TAFA4: variants seen among roughly 807,000 people sequenced by gnomAD.
The protein encoded by TAFA4 is TAFA chemokine like family member 4.
In TAFA4, 20 loss-of-function variants were observed where a neutral mutation model predicts 21.1. That is an observed-to-expected ratio of 0.95 (90% CI 0.67 to 1.38). TAFA4 has a LOEUF of 1.38. Among genes scored for constraint, TAFA4 ranks in the 40% most tolerant of loss-of-function variants. TAFA4 has a pLI of 0.00. For missense variants in TAFA4, 211 were observed against 180.9 expected (o/e 1.17, Z -0.95); for synonymous variants, 71 against 67.4 (o/e 1.05, Z -0.26).
intron 3 of TAFA4, among the ~76,000 whole-genome samples, chr3:68,839,798 G>A (rs6806391): frequency 0.31 from 47,049 of 152,012 alleles, 7,706 homozygotes; most frequent in Non-Finnish European, 0.37. Flanking sequence ...AGGGGAAAGC[G>A]TAACAAGAGC....
intron 3 of TAFA4, among the ~76,000 whole-genome samples, chr3:68,794,529 C>A (rs1236489126): frequency 2.0e-5 from 3 of 152,162 alleles, no homozygotes; most frequent in Non-Finnish European, 4.4e-5. Context: ...GCTCAGCTCT[C>A]CCCTCTCCTT....
At chr3:68,772,536 G>C (rs1406922140) in intron 3 of TAFA4, among the ~76,000 whole-genome samples, 2 of 152,200 alleles carry the variant, frequency 1.3e-5, no homozygotes, top group African/African-American at 4.8e-5. Flanking sequence ...CAGAACTCCA[G>C]GCTCTCTGGT....
chr3:68,921,990 C>T (rs1388700700), intron 1 of TAFA4, among the ~76,000 whole-genome samples: 1 of 152,192 alleles, frequency 6.6e-6, no homozygotes, highest in African/African-American at 2.4e-5. Flanking sequence ...TCGGGCACAA[C>T]ACTGATCCAA....
At chr3:68,832,982 A>G (rs1164595733) in intron 3 of TAFA4, among the ~76,000 whole-genome samples, 1 of 152,214 alleles carries the variant, frequency 6.6e-6, no homozygotes, top group African/African-American at 2.4e-5. Context: ...ACCAGCGAGC[A>G]AGGCTCCATG....
intron 3 of TAFA4, among the ~76,000 whole-genome samples, chr3:68,776,137 A>C (rs774265462): frequency 3.3e-5 from 5 of 152,166 alleles, no homozygotes; most frequent in Non-Finnish European, 7.4e-5. Flanking sequence ...GCAAGCAGAA[A>C]ACAAAAAAAT....
chr3:68,805,349 G>T (rs1010449529), intron 3 of TAFA4, among the ~76,000 whole-genome samples: 3 of 152,200 alleles, frequency 2.0e-5, no homozygotes, highest in Non-Finnish European at 4.4e-5. Context: ...CTTTTACACT[G>T]TTGGTGGGAC....
chr3:68,881,197 AAT>A (rs2089613579), intron 2 of TAFA4, among the ~76,000 whole-genome samples: 1 of 152,170 alleles, frequency 6.6e-6, no homozygotes, highest in Non-Finnish European at 1.5e-5. Flanking sequence ...ATCCAAATAA[AAT>A]ATATATGTTT....
At chr3:68,832,421 C>T (rs541411372) in intron 3 of TAFA4, among the ~76,000 whole-genome samples, 1 of 152,268 alleles carries the variant, frequency 6.6e-6, no homozygotes, top group African/African-American at 2.4e-5. Flanking sequence ...TGTTAGTTTT[C>T]CTTCTAAGAG....
intron 3 of TAFA4, among the ~76,000 whole-genome samples, chr3:68,769,881 C>A (rs1350573720): frequency 6.6e-6 from 1 of 152,184 alleles, no homozygotes; most frequent in Non-Finnish European, 1.5e-5. Context: ...AGTAAACAAT[C>A]AGTAAATTCT....
At chr3:68,842,421 TCTTTGTGGATTCTGGATATTAGCC>T (rs1229152087) in intron 3 of TAFA4, among the ~76,000 whole-genome samples, 2 of 152,218 alleles carry the variant, frequency 1.3e-5, no homozygotes, top group Non-Finnish European at 2.9e-5. Flanking sequence ...TTGTTTAAGC[TCTTTGTGGATTCTGGATATTAGCC>T]CTTTGTCAGG....
At chr3:68,880,397 T>C (rs2089601632) in intron 3 of TAFA4, among the ~76,000 whole-genome samples, 1 of 151,742 alleles carries the variant, frequency 6.6e-6, no homozygotes, top group South Asian at 2.1e-4. Flanking sequence ...AGTGGATGGA[T>C]GGATGGGCAG....
At chr3:68,739,606 A>G (rs1352682360) in intron 4 of TAFA4, among the ~76,000 whole-genome samples, 3 of 152,218 alleles carry the variant, frequency 2.0e-5, no homozygotes, top group African/African-American at 7.2e-5. Flanking sequence ...AATAAATAGC[A>G]AAGTCATGGA....
At chr3:68,767,585 T>C (rs916391370) in intron 3 of TAFA4, among the ~76,000 whole-genome samples, 1 of 152,000 alleles carries the variant, frequency 6.6e-6, no homozygotes, top group African/African-American at 2.4e-5. Flanking sequence ...TGTTAATATA[T>C]AATATATAAA....
intron 3 of TAFA4, among the ~76,000 whole-genome samples, chr3:68,870,696 C>T (rs979225404): frequency 3.3e-5 from 5 of 152,120 alleles, no homozygotes; most frequent in East Asian, 1.9e-4. Context: ...GTTTTAAGCC[C>T]GGCATGCATT....
At chr3:68,894,130 A>G (rs1219223760) in intron 1 of TAFA4, among the ~76,000 whole-genome samples, 1 of 150,464 alleles carries the variant, frequency 6.6e-6, no homozygotes, top group Non-Finnish European at 1.5e-5. Context: ...GGGATTCAGT[A>G]TTTGTTGGTT....
rs982452030 is a variant in TAFA4 at position 68,836,643 on chromosome 3, G to C, written c.130+44087C>G. Reference sequence around the variant, plus strand: ...CTTATAGGTAGTAGAAATCCAGAGAGAACTAAACATAAAAATCGTTGTTCT... The same window carrying C: ...CTTATAGGTAGTAGAAATCCAGAGACAACTAAACATAAAAATCGTTGTTCT... On this transcript the variant is annotated intron_variant, in intron 3 of 5. Coordinates refer to ENST00000295569, the MANE Select transcript of TAFA4 (RefSeq NM_182522.5). Among the ~76,000 whole-genome samples the C allele has an allele frequency of 2.0e-4, 31 of 152,262 alleles. 1 individual carries two copies. Among genetic ancestry groups the C allele is most frequent in the African/African-American group, 6.0e-4 (25 of 41,556 alleles).
intron 3 of TAFA4, among the ~76,000 whole-genome samples, chr3:68,867,269 T>C (rs868513268): frequency 6.6e-6 from 1 of 152,026 alleles, no homozygotes; most frequent in South Asian, 2.1e-4. Flanking sequence ...CCAGGAAAGA[T>C]GGGACAACAT....
chr3:68,848,566 C>G (rs1704867014), intron 3 of TAFA4, among the ~76,000 whole-genome samples: 1 of 152,162 alleles, frequency 6.6e-6, no homozygotes, highest in African/African-American at 2.4e-5. Context: ...ATCAACTCAC[C>G]TTGGTGGCAA....
At chr3:68,818,522 C>T (rs1452896505) in intron 3 of TAFA4, among the ~76,000 whole-genome samples, 1 of 152,218 alleles carries the variant, frequency 6.6e-6, no homozygotes, top group Non-Finnish European at 1.5e-5. Context: ...AAATGCCTTT[C>T]TCACTAAGCT....
Sources: allele counts gnomAD v4.1 joint callset (sites outside exome capture counted in the v4.1 genomes callset), GRCh38; gene constraint gnomAD v4.1.1; transcripts MANE v1.5; gene names NCBI Gene and HGNC (gene_info 2026-07-23, HGNC 2026-07-21).